BLTP1: variants seen among roughly 807,000 people sequenced by gnomAD.
The protein encoded by BLTP1 is bridge-like lipid transfer protein family member 1.
the BLTP1 span, chr4:122,336,425 T>C: frequency 9.6e-7 from 1 of 1,036,554 alleles, no homozygotes; most frequent in Non-Finnish European, 1.4e-6. Flanking sequence ...GTTTTCTTAA[T>C]GCTATTATAC....
At chr4:122,205,881 C>A in the BLTP1 span, 1 of 899,888 alleles carries the variant, frequency 1.1e-6, no homozygotes, top group Non-Finnish European at 1.3e-6. Context: ...GAGTTTGACA[C>A]CTCTAGGAGG....
chr4:122,201,213 GGATAT>G, the BLTP1 span: 2 of 988,576 alleles, frequency 2.0e-6, no homozygotes, highest in East Asian at 2.7e-5. Flanking sequence ...AATTACATAG[GGATAT>G]GATATGATTC....
the BLTP1 span, chr4:122,193,661 ATTAGT>A: frequency 1.1e-6 from 1 of 881,590 alleles, no homozygotes; most frequent in Non-Finnish European, 1.4e-6. Flanking sequence ...AATTAGTTAA[ATTAGT>A]TTAGTTTTTC....
chr4:122,249,006 A>G, the BLTP1 span: 8 of 941,974 alleles, frequency 8.5e-6, no homozygotes, highest in Admixed American at 1.2e-4. Context: ...TCCACAGTGT[A>G]TCTGTAAGCA....
chr4:122,325,647 G>C, the BLTP1 span: 1 of 1,074,774 alleles, frequency 9.3e-7, no homozygotes, highest in South Asian at 1.9e-5. Context: ...AAATGTAAAC[G>C]TGGAATATTG....
the BLTP1 span, chr4:122,264,177 T>A: frequency 7.0e-7 from 1 of 1,429,790 alleles, no homozygotes; most frequent in South Asian, 1.9e-5. Flanking sequence ...TTCAAAAGTT[T>A]ACCCTGCTGT....
the BLTP1 span, chr4:122,240,313 G>C: frequency 1.2e-6 from 2 of 1,614,068 alleles, no homozygotes; most frequent in Non-Finnish European, 1.7e-6. Flanking sequence ...AGTGAAGAAA[G>C]TTCATCGTCA....
the BLTP1 span, among the ~76,000 whole-genome samples, chr4:122,178,863 A>G: frequency 6.6e-6 from 1 of 152,226 alleles, no homozygotes; most frequent in Non-Finnish European, 1.5e-5. Context: ...AAATTATTAA[A>G]TAAAAATAAT....
the BLTP1 span, among the ~76,000 whole-genome samples, chr4:122,285,981 C>T: frequency 1.3e-5 from 2 of 152,142 alleles, no homozygotes; most frequent in Non-Finnish European, 2.9e-5. Flanking sequence ...AAATTCATAA[C>T]ATATCCTTAT....
At chr4:122,301,147 A>G in the BLTP1 span, 1 of 691,780 alleles carries the variant, frequency 1.4e-6, no homozygotes, top group Non-Finnish European at 1.8e-6. Context: ...TATCTTTCAT[A>G]TATCTGTCTC....
At chr4:122,154,549 C>T in the BLTP1 span, 4 of 898,034 alleles carry the variant, frequency 4.5e-6, no homozygotes, top group Non-Finnish European at 5.3e-6. Context: ...GCTCTTTAAT[C>T]TACCTATGTT....
the BLTP1 span, among the ~76,000 whole-genome samples, chr4:122,203,301 G>A: frequency 6.6e-6 from 1 of 151,830 alleles, no homozygotes; most frequent in African/African-American, 2.4e-5. Flanking sequence ...ATAATATAGA[G>A]CCTCAGAAAT....
At chr4:122,260,833 T>G in the BLTP1 span, among the ~76,000 whole-genome samples, 1 of 152,108 alleles carries the variant, frequency 6.6e-6, no homozygotes, top group East Asian at 1.9e-4. Context: ...TGACTAATCA[T>G]TAGAGGACTA....
At chr4:122,220,430 T>C in the BLTP1 span, 11 of 1,612,296 alleles carry the variant, frequency 6.8e-6, no homozygotes, top group African/African-American at 1.3e-5. Flanking sequence ...CTGCAACTTA[T>C]CCTGTCACCC....
At chr4:122,343,058 G>A in the BLTP1 span, among the ~76,000 whole-genome samples, 1 of 152,048 alleles carries the variant, frequency 6.6e-6, no homozygotes, top group African/African-American at 2.4e-5. Context: ...TTTACAGTAT[G>A]TTCTCCCCCA....
the BLTP1 span, among the ~76,000 whole-genome samples, chr4:122,156,455 G>A: frequency 6.6e-6 from 1 of 152,158 alleles, no homozygotes. Context: ...AAAGGAATGA[G>A]TATTAGACAT....
chr4:122,255,000 G>GA, the BLTP1 span: 1 of 1,516,014 alleles, frequency 6.6e-7, no homozygotes, highest in Non-Finnish European at 9.0e-7. Flanking sequence ...CTTTAGTATT[G>GA]AAAATGACCC....
At chr4:122,354,922 C>A in the BLTP1 span, among the ~76,000 whole-genome samples, 1 of 152,118 alleles carries the variant, frequency 6.6e-6, no homozygotes, top group African/African-American at 2.4e-5. Flanking sequence ...GCCTCAGCCT[C>A]CCAAAGTGCT....
chr4:122,355,885 G>A, the BLTP1 span: 1 of 1,612,708 alleles, frequency 6.2e-7, no homozygotes, highest in South Asian at 1.1e-5. Flanking sequence ...ATTCAGAGGA[G>A]GTTCTAGCTA....
Sources: gnomAD v4.1 joint callset for allele counts (sites outside exome capture counted in the v4.1 genomes callset) on GRCh38, gnomAD v4.1.1 for gene constraint, MANE v1.5 for transcripts, NCBI Gene and HGNC (gene_info 2026-07-23, HGNC 2026-07-21) for gene names.